The following GRM7 variants were observed in gnomAD, a reference collection of about 807,000 sequenced individuals.
The protein encoded by GRM7 is metabotropic glutamate receptor 7.
A neutral mutation model predicts 84.5 loss-of-function variants in GRM7; 35 were observed. That is an observed-to-expected ratio of 0.41 (90% CI 0.32 to 0.55). The LOEUF (loss-of-function observed/expected upper bound fraction) is 0.55, where lower values mean the gene tolerates loss of function less well. Ranked by LOEUF, GRM7 falls within the 20% of genes least tolerant of loss-of-function variation. The pLI, the probability that GRM7 is intolerant of heterozygous loss-of-function variation, is 0.19. For synonymous variants in GRM7, 487 were observed against 455.1 expected (o/e 1.07, Z -0.89); for missense variants, 1,003 against 1,194.6 (o/e 0.84, Z 2.36).
At chr3:7,278,555 G>A (rs1699151714) in intron 2 of GRM7, among the ~76,000 whole-genome samples, 2 of 151,832 alleles carry the variant, frequency 1.3e-5, no homozygotes, top group African/African-American at 4.8e-5. Flanking sequence ...TTAATTGATA[G>A]GTGTTTCAAT....
At chr3:7,579,866 G>A (rs1397818750) in intron 8 of GRM7, among the ~76,000 whole-genome samples, 1 of 152,112 alleles carries the variant, frequency 6.6e-6, no homozygotes, top group African/African-American at 2.4e-5. Flanking sequence ...TTGCCCAATT[G>A]TATATGCACA....
intron 1 of GRM7, among the ~76,000 whole-genome samples, chr3:6,952,326 C>T (rs759828464): frequency 2.0e-5 from 3 of 151,806 alleles, no homozygotes; most frequent in Non-Finnish European, 4.4e-5. Context: ...GGCCTGTGTG[C>T]GCCTATTACC....
chr3:7,660,533 G>T (rs975238343), intron 8 of GRM7, among the ~76,000 whole-genome samples: 2 of 152,172 alleles, frequency 1.3e-5, no homozygotes, highest in African/African-American at 4.8e-5. Context: ...AATATGCTTT[G>T]TTGATGGTTT....
At chr3:7,083,203 C>A (rs1242566551) in intron 1 of GRM7, among the ~76,000 whole-genome samples, 1 of 152,082 alleles carries the variant, frequency 6.6e-6, no homozygotes, top group African/African-American at 2.4e-5. Context: ...GCACTACCAC[C>A]CCAACCTTCA....
rs1468198382 is a variant in GRM7 at position 6,861,475 on chromosome 3, G to T, written c.87G>T (p.Ala29=). Residue 29 remains alanine (A), a synonymous_variant, in exon 1 of 10, where the codon GCG becomes GCT. Coordinates refer to ENST00000357716, the MANE Select transcript of GRM7 (RefSeq NM_000844.4). The surrounding 1 kb of genome is among the most constrained non-coding windows in gnomAD (Gnocchi z 6.4). ...TGGAGGTGCTCCTGTGCGCGCTGGC[G>T]GCGGCGGCGCGCGGCCAGGAGATGT... ...CVLEVLLCAL[A]AAARGQEMYA... 13 of 1,588,206 alleles carry T rather than the reference G, an allele frequency of 8.2e-6. No homozygotes were observed. The highest frequency in any genetic ancestry group is 1.1e-5 in the Non-Finnish European group (13 of 1,170,570).
At chr3:6,948,897 C>T (rs1431289660) in intron 1 of GRM7, among the ~76,000 whole-genome samples, 2 of 151,998 alleles carry the variant, frequency 1.3e-5, no homozygotes, top group Non-Finnish European at 2.9e-5. Context: ...TTTGTGTTTT[C>T]CATTTGCTTG....
intron 2 of GRM7, among the ~76,000 whole-genome samples, chr3:7,263,812 G>C (rs1391826275): frequency 6.6e-6 from 1 of 152,062 alleles, no homozygotes; most frequent in East Asian, 1.9e-4. Flanking sequence ...CGGTAGGGTA[G>C]GTTGGGGGTT....
At chr3:7,576,735 T>A (rs1027287469) in intron 7 of GRM7, among the ~76,000 whole-genome samples, 4 of 152,264 alleles carry the variant, frequency 2.6e-5, no homozygotes, top group Non-Finnish European at 4.4e-5. Flanking sequence ...TCAGCCATCA[T>A]TGTTAATTGG....
At chr3:7,386,599 A>G (rs1208712796) in intron 4 of GRM7, among the ~76,000 whole-genome samples, 1 of 152,220 alleles carries the variant, frequency 6.6e-6, no homozygotes, top group Non-Finnish European at 1.5e-5. Context: ...TGCAAAGGAC[A>G]TGATTTCATT....
intron 1 of GRM7, among the ~76,000 whole-genome samples, chr3:6,905,877 C>T (rs1271794132): frequency 1.3e-5 from 2 of 152,054 alleles, no homozygotes; most frequent in Non-Finnish European, 1.5e-5. Context: ...TGATTTTCTT[C>T]CTTGATTTAA....
At chr3:7,618,640 C>T (rs1697220366) in intron 8 of GRM7, among the ~76,000 whole-genome samples, 1 of 152,040 alleles carries the variant, frequency 6.6e-6, no homozygotes, top group Non-Finnish European at 1.5e-5. Flanking sequence ...GATGAATGTC[C>T]TTTTGCAAAG....
chr3:6,903,623 C>A (rs1033123218), intron 1 of GRM7, among the ~76,000 whole-genome samples: 1 of 152,200 alleles, frequency 6.6e-6, no homozygotes, highest in East Asian at 1.9e-4. Context: ...TACATGTCCC[C>A]TCTAGGAACA....
intron 7 of GRM7, among the ~76,000 whole-genome samples, chr3:7,505,266 G>A (rs1006224309): frequency 2.0e-5 from 3 of 152,210 alleles, no homozygotes; most frequent in African/African-American, 4.8e-5. Flanking sequence ...GGAGGGCTCC[G>A]CCTATGTAGC....
At chr3:7,299,661 G>A (rs957168723) in intron 3 of GRM7, among the ~76,000 whole-genome samples, 19 of 152,076 alleles carry the variant, frequency 1.2e-4, no homozygotes, top group African/African-American at 4.6e-4. Context: ...TACACAAATG[G>A]TAGCATGTTG....
In GRM7 at chr3:7,034,291, TA is replaced by T. The variant is rs60123218; in HGVS notation, c.520-112149del. On this transcript the variant is annotated intron_variant, in intron 1 of 9. Transcript: ENST00000357716. ...AGTTTAATTGGTCTCTGGTGGGGGT[TA>T]AAAAAAAAAAATCTGTGTTCATCAG... Among the ~76,000 whole-genome samples, 654 of 145,680 alleles carry T rather than the reference TA, an allele frequency of 4.5e-3. 1 individual carries two copies. The highest frequency in any genetic ancestry group is 5.3e-3 in the African/African-American group (214 of 40,156).
At chr3:7,660,790 G>T (rs1469447041) in intron 8 of GRM7, among the ~76,000 whole-genome samples, 2 of 120,762 alleles carry the variant, frequency 1.7e-5, no homozygotes, top group Non-Finnish European at 4.1e-5. Context: ...CAGATCATTA[G>T]AACTGAGTAG....
intron 2 of GRM7, among the ~76,000 whole-genome samples, chr3:7,210,972 G>A (rs888321236): frequency 1.3e-5 from 2 of 152,174 alleles, no homozygotes; most frequent in Non-Finnish European, 2.9e-5. Flanking sequence ...CCCTGGTGGT[G>A]CTAAGTCATA....
chr3:7,454,462 T>C (rs1326905001), intron 6 of GRM7, among the ~76,000 whole-genome samples: 1 of 152,112 alleles, frequency 6.6e-6, no homozygotes, highest in Non-Finnish European at 1.5e-5. Context: ...AATTATATTA[T>C]AAACAAATTG....
rs754534261 is a variant in GRM7 at position 7,578,827 on chromosome 3, A to T, written c.1921A>T (p.Ile641Phe). ...TTTGACGGGCATCTTTCTTTGCTAC[A>T]TCATCACTTTCCTGATGATTGCCAA... is the stretch of plus-strand genomic sequence containing the variant. ...VLLTGIFLCYIITFLMIAKPD... is the reference protein window; with the variant it reads ...VLLTGIFLCYFITFLMIAKPD... The change falls in exon 8 of 10, where the codon ATC becomes TTC. Residue 641 changes from isoleucine (I) to phenylalanine (F), a missense_variant. Physicochemically the swap from Ile to Phe is conservative, Grantham distance 21. Around this residue, in one of 2 missense-constraint regions of GRM7, gnomAD observed 910 missense variants for 1,126.0 expected, o/e 0.81. Transcript: ENST00000357716. 1.1e-5 allele frequency: 17 copies of T among 1,614,016 alleles called. No homozygotes were observed. The Admixed American group carries it at 2.7e-4, about 25-fold the overall frequency.
Sources: allele counts gnomAD v4.1 joint callset (sites outside exome capture counted in the v4.1 genomes callset), GRCh38; gene constraint gnomAD v4.1.1; regional missense constraint gnomAD v4.1.1; non-coding constraint Gnocchi (gnomAD v3.1); transcripts MANE v1.5; gene names NCBI Gene and HGNC (gene_info 2026-07-23, HGNC 2026-07-21).